Variants in APTX observed in about 807,000 individuals in gnomAD.
APTX encodes the protein forkhead-associated domain histidine triad-like protein.
In APTX, 33 loss-of-function variants were observed where a neutral mutation model predicts 42.3. The observed-to-expected ratio is 0.78, with a 90% CI of 0.59 to 1.04. APTX has a LOEUF of 1.04. Ranked by LOEUF, APTX falls within the 50% of genes least tolerant of loss-of-function variation. The probability of loss-of-function intolerance (pLI) is 0.00; values close to 1 mark genes in which losing one functional copy is unlikely to be tolerated. For synonymous variants in APTX, 130 were observed against 146.7 expected (o/e 0.89, Z 0.82); for missense variants, 421 against 415.1 (o/e 1.01, Z -0.12).
chr9:33,010,884 G>A (rs1837494112), intron 1 of APTX, among the ~76,000 whole-genome samples: 1 of 151,982 alleles, frequency 6.6e-6, no homozygotes, highest in Non-Finnish European at 1.5e-5. Flanking sequence ...ACTAACGCCT[G>A]TAATCCCAAC....
upstream of APTX, among the ~76,000 whole-genome samples, chr9:33,002,804 T>A (rs937228712): frequency 1.9e-4 from 29 of 152,212 alleles, no homozygotes; most frequent in Non-Finnish European, 2.4e-4. Flanking sequence ...AGTCACATTC[T>A]TCATCAAGGT....
At chr9:32,980,780 G>A (rs978534053) in intron 6 of APTX, among the ~76,000 whole-genome samples, 1 of 152,186 alleles carries the variant, frequency 6.6e-6, no homozygotes, top group African/African-American at 2.4e-5. Flanking sequence ...TGTTGCTTTG[G>A]GAGAGTGTTA....
In APTX at chr9:32,986,049, A is replaced by AAC. The variant is rs748479446; in HGVS notation, c.484-20_484-19insGT. The AAC allele has an allele frequency of 4.5e-6, 3 of 664,444 alleles. No homozygotes were observed. Among genetic ancestry groups the AAC allele is most frequent in the African/African-American group, 2.7e-5 (1 of 37,698 alleles). 41.2% of individuals were successfully genotyped at this position (664,444 alleles called of 1,614,324 possible). ...GGGATTCCTAAAAAAAAAACAAAAA[A>AAC]AAAAACAAAAAAAAAAAAAAACAAG... On this transcript the variant is annotated intron_variant, in intron 4 of 7. Coordinates refer to ENST00000379817, the MANE Select transcript of APTX (RefSeq NM_001195248.2).
intron 1 of APTX, among the ~76,000 whole-genome samples, chr9:33,007,023 AG>A (rs147694206): frequency 0.1 from 11,661 of 114,430 alleles, 855 homozygotes; most frequent in African/African-American, 0.12. Context: ...AAAAAAAAAA[AG>A]AAAGAAAGAA....
chr9:33,001,685 C>G (rs1368398938), upstream of APTX: 3 of 1,566,710 alleles, frequency 1.9e-6, no homozygotes, highest in Admixed American at 3.5e-5. Flanking sequence ...CAGCACCTCT[C>G]TAACGGATTG....
chr9:33,006,617 C>T (rs1837163067), upstream of APTX, among the ~76,000 whole-genome samples: 1 of 152,036 alleles, frequency 6.6e-6, no homozygotes, highest in African/African-American at 2.4e-5. Flanking sequence ...GCTGGGACAC[C>T]TCATTTTGTT....
At chr9:33,019,680 G>A (rs763648496) in intron 1 of APTX, 5 of 472,360 alleles carry the variant, frequency 1.1e-5, no homozygotes, top group African/African-American at 2.0e-5. Context: ...GTTAGACCTC[G>A]CCCCATTTTC....
At chr9:32,999,963 TATAAAA>T (rs1312533964) in intron 1 of APTX, among the ~76,000 whole-genome samples, 1 of 151,790 alleles carries the variant, frequency 6.6e-6, no homozygotes, top group Non-Finnish European at 1.5e-5. Flanking sequence ...CTCAAAAAAA[TATAAAA>T]ATAAAAATAA....
chr9:32,988,103 C>A lies in APTX; in HGVS notation c.160G>T (p.Gly54Ter), dbSNP rs757431868. 6.2e-7 allele frequency: 1 copy of A among 1,613,944 alleles called. No individual in the cohort carries two copies. The highest frequency in any genetic ancestry group is 8.5e-7 in the Non-Finnish European group (1 of 1,179,986). ...CCTACCTGCTTTACCTTGACATATC[C>A]CTTGTTACACTCTGCTTTCAACTGT... ...QVQLKAECNK[G>*]YVKVKQVGVN... Residue 54 changes from glycine (G) to a stop codon, truncating the protein, a stop_gained, in exon 3 of 8, where the codon GGA becomes TGA. Transcript: ENST00000379817. LOFTEE classifies it high-confidence loss of function.
chr9:32,991,873 G>C (rs771243611), intron 1 of APTX, among the ~76,000 whole-genome samples: 2 of 152,058 alleles, frequency 1.3e-5, no homozygotes, highest in Non-Finnish European at 2.9e-5. Flanking sequence ...ACATAATTTG[G>C]GGATAAAAAG....
chr9:32,974,650 T>A (rs1828910903), intron 6 of APTX, 89 bp from the exon 7 acceptor site: 2 of 755,130 alleles, frequency 2.6e-6, no homozygotes, highest in Admixed American at 1.9e-5. Context: ...CATTGTATAT[T>A]CATACTATTG....
chr9:32,999,487 T>C (rs1185607045), intron 1 of APTX, among the ~76,000 whole-genome samples: 1 of 152,022 alleles, frequency 6.6e-6, no homozygotes, highest in Non-Finnish European at 1.5e-5. Context: ...AAATGACAAA[T>C]GAAAACAAGG....
chr9:33,008,844 G>C (rs571358019), intron 1 of APTX, among the ~76,000 whole-genome samples: 174 of 151,508 alleles, frequency 1.1e-3, no homozygotes, highest in African/African-American at 3.7e-3. Flanking sequence ...GCGCCACCGC[G>C]TTGGCCTGAT....
chr9:33,004,995 T>C (rs1289713555), upstream of APTX, among the ~76,000 whole-genome samples: 1 of 152,084 alleles, frequency 6.6e-6, no homozygotes, highest in Non-Finnish European at 1.5e-5. Context: ...TGGTATCTCA[T>C]TGTGGTTTTG....
intron 6 of APTX, among the ~76,000 whole-genome samples, chr9:32,978,428 A>G (rs1829953932): frequency 6.6e-6 from 1 of 152,208 alleles, no homozygotes; most frequent in Admixed American, 6.5e-5. Flanking sequence ...TCTAGTTTCT[A>G]TAACCTGCCT....
intron 4 of APTX, among the ~76,000 whole-genome samples, chr9:32,987,329 A>G (rs1832430228): frequency 6.6e-6 from 1 of 152,238 alleles, no homozygotes; most frequent in South Asian, 2.1e-4. Flanking sequence ...CACTGCCATT[A>G]TTGTTGTACC....
At chr9:32,988,039 A>G in intron 3 of APTX, 44 bp downstream of exon 3, 1 of 1,597,806 alleles carries the variant, frequency 6.3e-7, no homozygotes, top group Non-Finnish European at 8.6e-7. Context: ...CAACAGCATA[A>G]GAAAATCATC....
chr9:33,007,676 T>G lies in APTX; in HGVS notation c.-5+17347A>C, dbSNP rs546135530. On this transcript the variant is annotated intron_variant, in intron 1 of 6. Coordinates refer to the APTX transcript ENST00000436040. The stretch of plus-strand genomic sequence containing the variant: ...TGCATGTTTCATATATCCAAAAACT[T>G]CTTACTGCAAGAACTGCGACATTGC... Among the ~76,000 whole-genome samples, 3 of 152,242 alleles carry G rather than the reference T, an allele frequency of 2.0e-5. No homozygotes were observed. The East Asian group carries it at 5.8e-4, about 29-fold the overall frequency.
Position 33,008,842 on chromosome 9 carries a change from G to A in APTX, c.-5+16181C>T, listed in dbSNP as rs115895329. Reference sequence around the variant, plus strand: ...GCTGGGATTACAGACGTGCGCCACCGCGTTGGCCTGATTGATTTTTTAATG... The same window carrying A: ...GCTGGGATTACAGACGTGCGCCACCACGTTGGCCTGATTGATTTTTTAATG... On this transcript the variant is annotated intron_variant, in intron 1 of 6. Coordinates refer to the APTX transcript ENST00000436040. Among the ~76,000 whole-genome samples the A allele has an allele frequency of 2.2e-3, 332 of 151,800 alleles. 2 individuals carry two copies. Among genetic ancestry groups the A allele is most frequent in the African/African-American group, 7.4e-3 (307 of 41,554 alleles).
Sources: allele counts gnomAD v4.1 joint callset (sites outside exome capture counted in the v4.1 genomes callset), GRCh38; gene constraint gnomAD v4.1.1; transcripts MANE v1.5; gene names NCBI Gene and HGNC (gene_info 2026-07-23, HGNC 2026-07-21).